ASXL1: variants seen among roughly 807,000 people sequenced by gnomAD.
ASXL1 encodes the protein ASXL transcriptional regulator 1, also known as polycomb group protein ASXL1.
A neutral mutation model predicts 89.1 loss-of-function variants in ASXL1; 65 were observed. The observed-to-expected ratio is 0.73, with a 90% confidence interval of 0.60 to 0.90. The LOEUF is 0.90. Ranked by LOEUF, ASXL1 falls within the 40% of genes least tolerant of loss-of-function variation. ASXL1 has a pLI of 0.00. For synonymous variants in ASXL1, 739 were observed against 746.9 expected (o/e 0.99, Z 0.17); for missense variants, 1,786 against 1,942.9 (o/e 0.92, Z 1.52).
intron 1 of ASXL1, among the ~76,000 whole-genome samples, chr20:32,361,969 T>G (rs2048119439): frequency 6.6e-6 from 1 of 152,046 alleles, no homozygotes; most frequent in Non-Finnish European, 1.5e-5. Flanking sequence ...CTCGGGAGGC[T>G]GAGGCAGGAG....
At chr20:32,360,081 T>A (rs1185259696) in intron 1 of ASXL1, 23 of 417,856 alleles carry the variant, frequency 5.5e-5, no homozygotes, top group African/African-American at 3.5e-4. Flanking sequence ...AAAAAAAAAA[T>A]AGACTGTATT....
intron 4 of ASXL1, among the ~76,000 whole-genome samples, chr20:32,394,626 G>C (rs1252036562): frequency 6.6e-6 from 1 of 152,122 alleles, no homozygotes; most frequent in Non-Finnish European, 1.5e-5. Context: ...CAGACTTTGT[G>C]CTATGTTTGT....
rs1464567647 is a variant in ASXL1, at chr20:32,423,540, T to TA, written c.253-4588_253-4587insA. Among the ~76,000 whole-genome samples the TA allele has an allele frequency of 8.6e-4, 129 of 150,834 alleles. 1 individual carries two copies. Among genetic ancestry groups the TA allele is most frequent in the East Asian group, 2.9e-3 (15 of 5,114 alleles). On this transcript the variant is annotated intron_variant, in intron 4 of 12. Transcript: ENST00000375687. The stretch of plus-strand genomic sequence containing the variant: ...AGGTGTGGGCCACAATACCCAGCAT[T>TA]TTTTATTTATTTATTTATTTATGTA...
intron 6 of ASXL1, chr20:32,428,672 T>TTC (rs2011416461): frequency 4.6e-6 from 2 of 434,214 alleles, no homozygotes; most frequent in South Asian, 4.6e-5. Context: ...TTTTTTTTTT[T>TTC]TTTTTTTGAG....
rs552722511 is a variant in ASXL1 at position 32,398,208 on chromosome 20, A to G, written c.252+29085A>G. Among the ~76,000 whole-genome samples the G allele has an allele frequency of 2.0e-5, 3 of 152,270 alleles. No homozygotes were observed. In the East Asian group the frequency reaches 5.8e-4, roughly 29 times the overall value. ...TGAAATTCACATAACAAAATTAACC[A>G]TTTTATTTTTTTAATTTTATATATA... On this transcript the variant is annotated intron_variant, in intron 4 of 12. Transcript: ENST00000375687.
chr20:32,436,834 G>T lies in ASXL1; in HGVS notation c.4122G>T (p.Val1374=), dbSNP rs372643354. ...VGSVKNEKTF[V]GGPLKANAEN... ...GCGTCAAGAATGAGAAGACTTTTGT[G>T]GGGGGTCCTCTTAAGGCAAATGCCG... Residue 1374 remains valine, a synonymous_variant, in exon 13 of 13, where the codon GTG becomes GTT. Transcript: ENST00000375687. 5 of 1,614,042 alleles carry T rather than the reference G, an allele frequency of 3.1e-6. No homozygotes were observed. The South Asian group carries it at 4.4e-5, about 14-fold the overall frequency.
intron 4 of ASXL1, among the ~76,000 whole-genome samples, chr20:32,370,083 A>G (rs1387163433): frequency 6.6e-6 from 1 of 152,154 alleles, no homozygotes; most frequent in Non-Finnish European, 1.5e-5. Context: ...CTGGTCAGCT[A>G]ATGTAAGACC....
Position 32,433,562 on chromosome 20 carries a change from AGACTGACC to A in ASXL1, c.1365_1372del (p.Lys455AsnfsTer27). ...CCCCTCTACAAGGATGGGGAGGCTA[AGACTGACC>A]CAGCAGGGCTGAGCAGTCCCCATCT... On this transcript the variant is annotated frameshift_variant, in exon 12 of 13. Transcript: ENST00000375687. LOFTEE classifies it high-confidence loss of function. The A allele has an allele frequency of 6.2e-7, 1 of 1,614,194 alleles. No individual in the cohort carries two copies.
chr20:32,392,906 A>G (rs1343263967), intron 4 of ASXL1, among the ~76,000 whole-genome samples: 2 of 152,164 alleles, frequency 1.3e-5, no homozygotes, highest in Admixed American at 6.5e-5. Context: ...GTGTCTTGAT[A>G]AAGGTTCCAC....
chr20:32,378,981 A>AT (rs1463675212), intron 4 of ASXL1, among the ~76,000 whole-genome samples: 1 of 151,354 alleles, frequency 6.6e-6, no homozygotes, highest in Non-Finnish European at 1.5e-5. Flanking sequence ...TAAAAAAAAA[A>AT]CCTAGCCAGG....
chr20:32,429,560 C>A lies in ASXL1; in HGVS notation c.565+129C>A. On this transcript the variant is annotated intron_variant, in intron 7 of 12. Coordinates refer to ENST00000375687, the MANE Select transcript of ASXL1 (RefSeq NM_015338.6). The surrounding 1 kb of genome is among the most constrained non-coding windows in gnomAD (Gnocchi z 4.9). ...GTCGGGCCACAGGCAAGAGCCCTGC[C>A]AATGGATGAGGCCTGCCATAGGTTC... The A allele has an allele frequency of 1.0e-6, 1 of 988,462 alleles. No homozygotes were observed. Among genetic ancestry groups the A allele is most frequent in the Non-Finnish European group, 1.6e-6 (1 of 634,814 alleles). The allele number at this position is 988,462 out of a possible 1,614,324, so 61.2% of individuals were successfully genotyped here. A position where few individuals can be genotyped will look rare whatever the true frequency, so the allele number is the denominator to read the frequency against.
Position 32,429,902 on chromosome 20 carries a change from G to T in ASXL1, c.567G>T (p.Gly189=). 5 of 1,607,794 alleles carry T rather than the reference G, an allele frequency of 3.1e-6. No homozygotes were observed. The South Asian group carries it at 4.4e-5, about 14-fold the overall frequency. ...VNGAHVESAS[G]FSGCHADGES... Reference sequence around the variant, plus strand: ...ACCAGTGGAATGCTGTGCCTTCAGGGTTCTCGGGCTGCCACGCCGATGGCG... The same window carrying T: ...ACCAGTGGAATGCTGTGCCTTCAGGTTTCTCGGGCTGCCACGCCGATGGCG... Residue 189 remains glycine, a splice_region_variant and synonymous_variant, in exon 8 of 13, where the codon GGG becomes GGT. Transcript: ENST00000375687. The surrounding 1 kb of genome is among the most constrained non-coding windows in gnomAD (Gnocchi z 4.9).
rs1600569969 is a variant in ASXL1 at position 32,426,540 on chromosome 20, TC to T, written c.253-1587del. On this transcript the variant is annotated intron_variant, in intron 4 of 12. Coordinates refer to ENST00000375687, the MANE Select transcript of ASXL1 (RefSeq NM_015338.6). Reference sequence around the variant, plus strand: ...GAGGTAAAGATGTAGAAAACTGTTTTCTTTTTTTTCTTTCTTTTTTTTTTTT... The same window carrying T: ...GAGGTAAAGATGTAGAAAACTGTTTTTTTTTTTTCTTTCTTTTTTTTTTTT... Among the ~76,000 whole-genome samples, 16 of 106,146 alleles carry T rather than the reference TC, an allele frequency of 1.5e-4. 1 individual carries two copies. The highest frequency in any genetic ancestry group is 1.3e-3 in the East Asian group (3 of 2,270). 69.6% of individuals were successfully genotyped at this position (106,146 alleles called of 152,430 possible).
intron 4 of ASXL1, among the ~76,000 whole-genome samples, chr20:32,401,552 C>CTTTTTTT (rs777632008): frequency 4.2e-5 from 5 of 120,338 alleles, no homozygotes; most frequent in South Asian, 4.5e-4. Flanking sequence ...GTGTTTTTTC[C>CTTTTTTT]CCCCCCCCCT....
intron 4 of ASXL1, among the ~76,000 whole-genome samples, chr20:32,402,352 G>A (rs981304821): frequency 1.3e-5 from 2 of 152,198 alleles, no homozygotes; most frequent in Non-Finnish European, 2.9e-5. Flanking sequence ...ACTGTGCCTG[G>A]CCCCACTGAA....
chr20:32,371,328 TG>T (rs1240775151), intron 4 of ASXL1, among the ~76,000 whole-genome samples: 1 of 152,182 alleles, frequency 6.6e-6, no homozygotes, highest in African/African-American at 2.4e-5. Flanking sequence ...TTCTGTCACC[TG>T]GGCTGGAGTG....
At position 32,366,817 on chromosome 20, in the gene ASXL1, C is replaced by A. The variant is rs1269861127; in HGVS notation, c.140+351C>A. ...CTATTGTGCCTAACGCTACCCTTTT[C>A]TCTATGCCGTATCACTGAAGTTCTT... On this transcript the variant is annotated intron_variant, in intron 2 of 12. Transcript: ENST00000375687. Among the ~76,000 whole-genome samples, 6 of 152,204 alleles carry A rather than the reference C, an allele frequency of 3.9e-5. No homozygotes were observed. In the East Asian group the frequency reaches 9.7e-4, roughly 24 times the overall value.
At position 32,429,933 on chromosome 20, in the gene ASXL1, G is replaced by A. The variant is rs368981019; in HGVS notation, c.598G>A (p.Gly200Ser). 7 of 1,608,198 alleles carry A rather than the reference G, an allele frequency of 4.4e-6. No homozygotes were observed. The highest frequency in any genetic ancestry group is 1.7e-5 in the Admixed American group (1 of 59,902). ...GGGCTGCCACGCCGATGGCGAGAGC[G>A]GCAGCCCGTCCAGCAGCAGCAGCGG... ...FSGCHADGES[G>S]SPSSSSSGSL... is the part of the protein sequence containing the mutation. Residue 200 changes from glycine to serine, a missense_variant, in exon 8 of 13, where the codon GGC becomes AGC. By Grantham distance (56) the Gly-to-Ser change is moderately conservative. Coordinates refer to ENST00000375687, the MANE Select transcript of ASXL1 (RefSeq NM_015338.6). The surrounding 1 kb of genome is among the most constrained non-coding windows in gnomAD (Gnocchi z 4.9).
chr20:32,364,029 G>C (rs1285464623), intron 1 of ASXL1, among the ~76,000 whole-genome samples: 2 of 152,130 alleles, frequency 1.3e-5, no homozygotes, highest in Non-Finnish European at 2.9e-5. Context: ...TCGAGAGGAA[G>C]ACATCAGTAT....
Sources: gnomAD v4.1 joint callset for allele counts (sites outside exome capture counted in the v4.1 genomes callset) on GRCh38, gnomAD v4.1.1 for gene constraint, Gnocchi (gnomAD v3.1) non-coding constraint, MANE v1.5 for transcripts, NCBI Gene and HGNC (gene_info 2026-07-23, HGNC 2026-07-21) for gene names.